C1QTNF7: variants seen among roughly 807,000 people sequenced by gnomAD.
The protein encoded by C1QTNF7 is complement C1q tumor necrosis factor-related protein 7.
A neutral mutation model predicts 19.6 loss-of-function variants in C1QTNF7; 15 were observed. The ratio of observed to expected loss-of-function variants is 0.76; its 90% CI spans 0.51 to 1.18. C1QTNF7 has a LOEUF of 1.18. Among genes scored for constraint, C1QTNF7 ranks in the 50% most tolerant of loss-of-function variants. C1QTNF7 has a pLI of 0.00. For synonymous variants in C1QTNF7, 142 were observed against 137.5 expected, an observed-to-expected ratio of 1.03 and a Z score of -0.23; for missense variants, 324 against 359.7, an observed-to-expected ratio of 0.90 and a Z score of 0.80.
intron 1 of C1QTNF7, among the ~76,000 whole-genome samples, chr4:15,389,094 G>A (rs923831342): frequency 1.3e-5 from 2 of 152,206 alleles, no homozygotes; most frequent in African/African-American, 4.8e-5. Flanking sequence ...CAGAGGGATG[G>A]TGAGGATACA....
intron 1 of C1QTNF7, among the ~76,000 whole-genome samples, chr4:15,340,434 T>TA (rs1303637258): frequency 6.6e-6 from 1 of 152,138 alleles, no homozygotes; most frequent in Non-Finnish European, 1.5e-5. Flanking sequence ...TTTCACTATA[T>TA]AAAAAATCCC....
At chr4:15,379,377 C>T (rs1192087130) in intron 1 of C1QTNF7, among the ~76,000 whole-genome samples, 1 of 152,146 alleles carries the variant, frequency 6.6e-6, no homozygotes, top group African/African-American at 2.4e-5. Context: ...GAACTGCTTT[C>T]GAACACTTAC....
At chr4:15,359,252 T>C (rs775428623) in intron 1 of C1QTNF7, among the ~76,000 whole-genome samples, 51 of 152,030 alleles carry the variant, frequency 3.4e-4, no homozygotes, top group Non-Finnish European at 6.0e-4. Context: ...AAATAGCAAA[T>C]AGAAAACACT....
chr4:15,442,049 T>A, intron 2 of C1QTNF7, 119 bp from the exon 3 acceptor site: 1 of 1,089,784 alleles, frequency 9.2e-7, no homozygotes, highest in Non-Finnish European at 1.3e-6. Flanking sequence ...TATTTAGTAG[T>A]ACACTGTTAA....
intron 1 of C1QTNF7, among the ~76,000 whole-genome samples, chr4:15,408,626 T>C (rs1343831411): frequency 6.6e-6 from 1 of 152,138 alleles, no homozygotes; most frequent in East Asian, 1.9e-4. Flanking sequence ...CTTAGAAAGC[T>C]GTCAGCTGTG....
chr4:15,375,199 C>T (rs1292387588), intron 1 of C1QTNF7, among the ~76,000 whole-genome samples: 1 of 152,020 alleles, frequency 6.6e-6, no homozygotes, highest in Non-Finnish European at 1.5e-5. Context: ...CATTTTGATA[C>T]ACTGTAGGAT....
chr4:15,432,072 A>G (rs1402527088), intron 1 of C1QTNF7, among the ~76,000 whole-genome samples: 1 of 152,168 alleles, frequency 6.6e-6, no homozygotes, highest in Non-Finnish European at 1.5e-5. Flanking sequence ...AGACAATGCG[A>G]AGAGACACGT....
intron 1 of C1QTNF7, among the ~76,000 whole-genome samples, chr4:15,405,389 C>T (rs1719154678): frequency 6.6e-6 from 1 of 152,146 alleles, no homozygotes; most frequent in South Asian, 2.1e-4. Flanking sequence ...CCTGCTCATG[C>T]CTTATCAGCA....
chr4:15,419,209 C>T lies in C1QTNF7; in HGVS notation c.14-16527C>T, dbSNP rs1990524. ...CCAAAAAAGACATAAAACATACAGA[C>T]CTTTTGATCCAATAATTCCATTTCT... On this transcript the variant is annotated intron_variant, in intron 1 of 2. Coordinates refer to the C1QTNF7 transcript ENST00000295297. Among the ~76,000 whole-genome samples the T allele has an allele frequency of 3.0e-3, 451 of 152,078 alleles. 4 individuals are homozygous for T. Among genetic ancestry groups the T allele is most frequent in the African/African-American group, 0.01 (430 of 41,478 alleles).
At chr4:15,369,370 C>T (rs1281934249) in intron 1 of C1QTNF7, among the ~76,000 whole-genome samples, 2 of 152,088 alleles carry the variant, frequency 1.3e-5, no homozygotes, top group Admixed American at 6.6e-5. Flanking sequence ...TATAGGAAGG[C>T]TACTTTCATG....
intron 1 of C1QTNF7, among the ~76,000 whole-genome samples, chr4:15,355,407 G>A (rs1717107141): frequency 6.6e-6 from 1 of 152,120 alleles, no homozygotes. Flanking sequence ...TATGGATCAT[G>A]TGTTAAACCT....
chr4:15,379,078 A>T (rs1255759363), intron 1 of C1QTNF7, among the ~76,000 whole-genome samples: 1 of 152,230 alleles, frequency 6.6e-6, no homozygotes. Flanking sequence ...TATATGGGTC[A>T]ATATTTTCAA....
intron 1 of C1QTNF7, chr4:15,419,891 T>C (rs1348666946): frequency 6.6e-6 from 1 of 152,156 alleles, no homozygotes; most frequent in East Asian, 1.9e-4. Flanking sequence ...AATCCCACTA[T>C]ATTAGAATCC....
chr4:15,355,335 A>C (rs1469596188), intron 1 of C1QTNF7, among the ~76,000 whole-genome samples: 1 of 152,158 alleles, frequency 6.6e-6, no homozygotes, highest in Admixed American at 6.5e-5. Flanking sequence ...ATCTGCTGCC[A>C]CAGAAATCAG....
exon 1 of C1QTNF7, chr4:15,340,032 A>G: frequency 3.5e-6 from 3 of 853,696 alleles, no homozygotes; most frequent in Non-Finnish European, 5.8e-6. Context: ...TCTCATGCTC[A>G]GACGAGCACT....
At chr4:15,395,350 A>T (rs1342855249) in intron 1 of C1QTNF7, among the ~76,000 whole-genome samples, 1 of 152,176 alleles carries the variant, frequency 6.6e-6, no homozygotes, top group African/African-American at 2.4e-5. Flanking sequence ...GTGTTTTTGC[A>T]TTTAAAAAAA....
In C1QTNF7 at chr4:15,435,923, T is replaced by C. The variant is rs1423368828; in HGVS notation, c.180T>C (p.Leu60=). Residue 60 remains leucine (L), a synonymous_variant, in exon 2 of 3, where the codon CTT becomes CTC. Coordinates refer to ENST00000444304, the MANE Select transcript of C1QTNF7 (RefSeq NM_031911.5). ...GSPGPHGRIG[L]PGRDGRDGRK... ...CTGGGCCCCATGGTCGCATCGGCCT[T>C]CCAGGAAGAGATGGTAGAGACGGCA... The C allele has an allele frequency of 6.2e-7, 1 of 1,613,890 alleles. No homozygotes were observed. Among genetic ancestry groups the C allele is most frequent in the Non-Finnish European group, 8.5e-7 (1 of 1,179,990 alleles).
chr4:15,348,648 C>T (rs926028304), intron 1 of C1QTNF7, among the ~76,000 whole-genome samples: 8 of 152,166 alleles, frequency 5.3e-5, no homozygotes, highest in East Asian at 1.9e-4. Context: ...ATGGTGTTCA[C>T]GGGGCAATAT....
At chr4:15,353,887 G>T (rs2109291378) in intron 1 of C1QTNF7, among the ~76,000 whole-genome samples, 1 of 152,220 alleles carries the variant, frequency 6.6e-6, no homozygotes, top group Middle Eastern at 3.4e-3. Flanking sequence ...AATCTTAAAA[G>T]ATTTTTTAAA....
Sources: allele counts gnomAD v4.1 joint callset (sites outside exome capture counted in the v4.1 genomes callset), GRCh38; gene constraint gnomAD v4.1.1; transcripts MANE v1.5; gene names NCBI Gene and HGNC (gene_info 2026-07-23, HGNC 2026-07-21).